CECR2: variants seen among roughly 807,000 people sequenced by gnomAD.
CECR2 encodes chromatin remodeling regulator CECR2.
Under a neutral mutation model 154.5 loss-of-function variants are expected in CECR2, and 30 were observed. That is an observed-to-expected ratio of 0.19 (90% confidence interval 0.15 to 0.26). CECR2 has a LOEUF of 0.26. Ranked by LOEUF, CECR2 falls within the 10% of genes least tolerant of loss-of-function variation. The pLI is 1.00. For missense variants in CECR2, 1,743 were observed against 1,829.3 expected, an observed-to-expected ratio of 0.95 and a Z score of 0.86; for synonymous variants, 725 against 683.7, an observed-to-expected ratio of 1.06 and a Z score of -0.94.
At chr22:17,422,128 T>C (rs943898635) in intron 1 of CECR2, among the ~76,000 whole-genome samples, 2 of 152,150 alleles carry the variant, frequency 1.3e-5, no homozygotes, top group African/African-American at 2.4e-5. Flanking sequence ...TCTTGCAGGA[T>C]GTTTTCTTTC....
intron 1 of CECR2, among the ~76,000 whole-genome samples, chr22:17,436,852 C>G (rs1331941650): frequency 6.6e-6 from 1 of 152,216 alleles, no homozygotes. Flanking sequence ...GCTCTTGCGC[C>G]TCTGGCTTTC....
chr22:17,363,413 G>A (rs1476476170), intron 1 of CECR2, among the ~76,000 whole-genome samples: 3 of 151,912 alleles, frequency 2.0e-5, no homozygotes, highest in African/African-American at 4.8e-5. Context: ...TCACCATATC[G>A]AGACCAGGCT....
chr22:17,521,179 C>T (rs1297063552), intron 8 of CECR2, among the ~76,000 whole-genome samples: 3 of 152,168 alleles, frequency 2.0e-5, no homozygotes, highest in Non-Finnish European at 2.9e-5. Flanking sequence ...ATTTGCATTT[C>T]TCTGATGACC....
chr22:17,471,906 T>C (rs1041673932), intron 1 of CECR2, among the ~76,000 whole-genome samples: 3 of 152,190 alleles, frequency 2.0e-5, no homozygotes, highest in Non-Finnish European at 4.4e-5. Flanking sequence ...GGAGACAGTT[T>C]TAGTAATTCA....
In CECR2 at chr22:17,552,824, G is replaced by C. The variant is rs1004502576; in HGVS notation, c.4390-11G>C. ...TTTTATTTTTGTTTAAAATGTCTTT[G>C]TTTCTTTCAGAGCTAGTCCAAGGAG... On this transcript the variant is annotated splice_polypyrimidine_tract_variant and intron_variant, in intron 18 of 18. Transcript: ENST00000262608. 37 of 1,075,058 alleles carry C rather than the reference G, an allele frequency of 3.4e-5. No homozygotes were observed. The highest frequency in any genetic ancestry group is 4.3e-5 in the Non-Finnish European group (35 of 811,168). 66.6% of individuals were successfully genotyped at this position (1,075,058 alleles called of 1,614,324 possible). A position where few individuals can be genotyped will look rare whatever the true frequency, so the allele number is the denominator to read the frequency against.
chr22:17,370,265 C>G (rs1162458240), intron 1 of CECR2, among the ~76,000 whole-genome samples: 2 of 148,932 alleles, frequency 1.3e-5, no homozygotes, highest in African/African-American at 5.0e-5. Context: ...GCTGCGCGCG[C>G]TCGCCGCCCG....
chr22:17,547,999 CT>C (rs1308570563), intron 16 of CECR2, 148 bp from the exon 17 acceptor site: 2 of 710,530 alleles, frequency 2.8e-6, no homozygotes, highest in African/African-American at 1.8e-5. Flanking sequence ...CCCCAATGTC[CT>C]GCCCTCTTTC....
chr22:17,511,639 C>T (rs1364106505), intron 7 of CECR2, among the ~76,000 whole-genome samples, 174 bp from the exon 8 acceptor site: 1 of 151,784 alleles, frequency 6.6e-6, no homozygotes, highest in Non-Finnish European at 1.5e-5. Flanking sequence ...AATAAACTGG[C>T]TTCTGTCCCT....
At chr22:17,370,323 G>T (rs1205405493) in intron 1 of CECR2, among the ~76,000 whole-genome samples, 4 of 150,082 alleles carry the variant, frequency 2.7e-5, no homozygotes, top group South Asian at 2.1e-4. Context: ...CGGGCGCGGG[G>T]GGGGGGCCCG....
At chr22:17,547,030 C>T (rs1207873734) in intron 16 of CECR2, among the ~76,000 whole-genome samples, 1 of 119,488 alleles carries the variant, frequency 8.4e-6, no homozygotes, top group Admixed American at 9.8e-5. Context: ...CAGAGTGAGA[C>T]TCTGCCTCAA....
chr22:17,429,614 A>G (rs2054390939), intron 1 of CECR2, among the ~76,000 whole-genome samples: 1 of 152,084 alleles, frequency 6.6e-6, no homozygotes, highest in Admixed American at 6.6e-5. Context: ...ATTAGCTTAT[A>G]CAGAGTAAGT....
chr22:17,457,776 TAAC>T (rs2054876587), intron 1 of CECR2, among the ~76,000 whole-genome samples: 1 of 152,196 alleles, frequency 6.6e-6, no homozygotes, highest in African/African-American at 2.4e-5. Context: ...GGTGAATGCT[TAAC>T]AAAAGCATGG....
chr22:17,547,944 T>C (rs2056638885), intron 16 of CECR2, among the ~76,000 whole-genome samples: 1 of 152,044 alleles, frequency 6.6e-6, no homozygotes, highest in African/African-American at 2.4e-5. Flanking sequence ...GGTGCTAGGT[T>C]TTACCTTTGT....
rs549222791 is a variant in CECR2, at chr22:17,494,575, G to A, written c.222-2828G>A. Among the ~76,000 whole-genome samples the A allele has an allele frequency of 1.4e-3, 219 of 152,354 alleles. 1 individual carries two copies. Among genetic ancestry groups the A allele is most frequent in the African/African-American group, 5.1e-3 (214 of 41,586 alleles). ...GTCCAGTGAGATTTGTGAGAGCCCT[G>A]ATTGTTAGAACTGTTACGCTGCATT... On this transcript the variant is annotated intron_variant, in intron 2 of 18. Transcript: ENST00000262608.
At chr22:17,506,182 C>G (rs1170506442) in intron 7 of CECR2, among the ~76,000 whole-genome samples, 4 of 152,088 alleles carry the variant, frequency 2.6e-5, no homozygotes, top group African/African-American at 9.6e-5. Flanking sequence ...CTCTATTTCC[C>G]AAGCTGGAGT....
intron 7 of CECR2, among the ~76,000 whole-genome samples, chr22:17,506,424 G>GACTCACTAAATGTA (rs2055846170): frequency 6.6e-6 from 1 of 152,120 alleles, no homozygotes. Flanking sequence ...ACCACACCTG[G>GACTCACTAAATGTA]CCCCCTCTCT....
At chr22:17,449,579 T>G (rs562996349) in intron 1 of CECR2, among the ~76,000 whole-genome samples, 1 of 137,130 alleles carries the variant, frequency 7.3e-6, no homozygotes, top group African/African-American at 2.7e-5. Context: ...AAGCTCTGCC[T>G]CCCAGGTTCA....
chr22:17,456,642 A>G (rs2054858586), intron 1 of CECR2, among the ~76,000 whole-genome samples: 1 of 152,204 alleles, frequency 6.6e-6, no homozygotes, highest in African/African-American at 2.4e-5. Context: ...GAAAATTTTC[A>G]GAAACATCCC....
At chr22:17,442,697 G>A (rs925008978) in intron 1 of CECR2, among the ~76,000 whole-genome samples, 3 of 152,040 alleles carry the variant, frequency 2.0e-5, no homozygotes, top group Non-Finnish European at 2.9e-5. Context: ...ACAGGCGCCC[G>A]CCACCACCGC....
Sources: gnomAD v4.1 joint callset for allele counts (sites outside exome capture counted in the v4.1 genomes callset) on GRCh38, gnomAD v4.1.1 for gene constraint, MANE v1.5 for transcripts, NCBI Gene and HGNC (gene_info 2026-07-23, HGNC 2026-07-21) for gene names.